Variants in SLC16A10 observed in about 807,000 individuals in gnomAD.
The protein encoded by SLC16A10 is solute carrier family 16 member 10.
In SLC16A10, 27 loss-of-function variants were observed where a neutral mutation model predicts 40.0. The ratio of observed to expected loss-of-function variants is 0.67; its 90% CI spans 0.50 to 0.93. The LOEUF is 0.93. Among genes scored for constraint, SLC16A10 ranks in the 40% least tolerant of loss-of-function variants. SLC16A10 has a pLI of 0.00. For synonymous variants in SLC16A10, 213 were observed against 249.8 expected (o/e 0.85, Z 1.39); for missense variants, 529 against 658.2 (o/e 0.80, Z 2.15).
At chr6:111,144,253 G>T (rs1049762095) in intron 1 of SLC16A10, among the ~76,000 whole-genome samples, 3 of 151,978 alleles carry the variant, frequency 2.0e-5, no homozygotes, top group Admixed American at 2.0e-4. Context: ...CCCCAGGCTG[G>T]AGTGCAGTGG....
At chr6:111,215,779 T>C (rs1773412038) in intron 4 of SLC16A10, among the ~76,000 whole-genome samples, 1 of 152,172 alleles carries the variant, frequency 6.6e-6, no homozygotes, top group Admixed American at 6.5e-5. Flanking sequence ...CCAAAGCAAG[T>C]AGTTTGTTTG....
At chr6:111,204,861 C>CCTTT (rs1453221547) in intron 3 of SLC16A10, among the ~76,000 whole-genome samples, 1 of 152,090 alleles carries the variant, frequency 6.6e-6, no homozygotes, top group African/African-American at 2.4e-5. Flanking sequence ...AAGTATATGT[C>CCTTT]CTTTCTCTCC....
chr6:111,134,974 G>T lies in SLC16A10; in HGVS notation c.344-37721G>T, dbSNP rs111815351. ...CTTACTCTCCTGTCCCGGACAACTG[G>T]CCTCCATATCTGTCACTATCCCAGG... On this transcript the variant is annotated intron_variant, in intron 1 of 5. Transcript: ENST00000368851. Among the ~76,000 whole-genome samples, 388 of 152,184 alleles carry T rather than the reference G, an allele frequency of 2.5e-3. 2 individuals are homozygous for T. The highest frequency in any genetic ancestry group is 8.8e-3 in the African/African-American group (367 of 41,508).
At chr6:111,180,667 TGTG>T (rs1169506554) in intron 3 of SLC16A10, among the ~76,000 whole-genome samples, 6 of 152,116 alleles carry the variant, frequency 3.9e-5, no homozygotes, top group South Asian at 4.1e-4. Context: ...AAGAGCCAGA[TGTG>T]GTGGTACACA....
At chr6:111,108,006 T>C (rs563217081) in intron 1 of SLC16A10, among the ~76,000 whole-genome samples, 2 of 152,098 alleles carry the variant, frequency 1.3e-5, no homozygotes, top group East Asian at 3.9e-4. Flanking sequence ...GGGAAATTAT[T>C]AGGCATTCAC....
intron 1 of SLC16A10, among the ~76,000 whole-genome samples, chr6:111,127,022 A>G (rs1771687519): frequency 6.6e-6 from 1 of 152,240 alleles, no homozygotes; most frequent in Non-Finnish European, 1.5e-5. Context: ...TATAGTAGGC[A>G]TTCAATAAAT....
chr6:111,088,778 T>G (rs569287913), intron 1 of SLC16A10, among the ~76,000 whole-genome samples: 1 of 152,230 alleles, frequency 6.6e-6, no homozygotes, highest in East Asian at 1.9e-4. Flanking sequence ...ACATTTTTTT[T>G]TAACCATATA....
intron 1 of SLC16A10, among the ~76,000 whole-genome samples, chr6:111,088,585 T>C (rs1218557403): frequency 7.2e-5 from 11 of 151,956 alleles, no homozygotes; most frequent in Admixed American, 5.9e-4. Context: ...TGAAAGAGAT[T>C]TGTACGAAGG....
At chr6:111,189,897 C>T (rs1477921198) in intron 3 of SLC16A10, among the ~76,000 whole-genome samples, 1 of 152,104 alleles carries the variant, frequency 6.6e-6, no homozygotes, top group Non-Finnish European at 1.5e-5. Flanking sequence ...ATCATTCTGC[C>T]CCTGGCTCCT....
chr6:111,138,226 A>G (rs780091383), intron 1 of SLC16A10, among the ~76,000 whole-genome samples: 10 of 152,262 alleles, frequency 6.6e-5, no homozygotes, highest in Non-Finnish European at 1.3e-4. Context: ...CAGAAAAGTT[A>G]TTACTTAGTA....
intron 1 of SLC16A10, among the ~76,000 whole-genome samples, chr6:111,143,831 A>G (rs1248378980): frequency 1.3e-5 from 2 of 152,118 alleles, no homozygotes; most frequent in East Asian, 1.9e-4. Context: ...AATATAAACT[A>G]TGGACTTTGG....
intron 1 of SLC16A10, among the ~76,000 whole-genome samples, chr6:111,115,383 A>G (rs1771467327): frequency 6.6e-6 from 1 of 152,122 alleles, no homozygotes; most frequent in African/African-American, 2.4e-5. Flanking sequence ...TAATTTTTGT[A>G]TTTTGAGTAG....
chr6:111,209,987 A>G (rs1773320231), intron 4 of SLC16A10, among the ~76,000 whole-genome samples: 1 of 152,208 alleles, frequency 6.6e-6, no homozygotes, highest in African/African-American at 2.4e-5. Flanking sequence ...GTCTAATTAT[A>G]TTATACATGA....
chr6:111,177,829 T>A (rs1171422312), intron 3 of SLC16A10, 164 bp downstream of exon 3: 1 of 589,786 alleles, frequency 1.7e-6, no homozygotes, highest in Non-Finnish European at 2.8e-6. Flanking sequence ...AGCACATCCA[T>A]TAGACCACTA....
chr6:111,131,096 C>T (rs1262557361), intron 1 of SLC16A10, among the ~76,000 whole-genome samples: 1 of 152,250 alleles, frequency 6.6e-6, no homozygotes, highest in African/African-American at 2.4e-5. Flanking sequence ...TCACACTCTT[C>T]CAGTCTGTGT....
intron 1 of SLC16A10, among the ~76,000 whole-genome samples, chr6:111,124,799 T>G (rs1771645301): frequency 6.6e-6 from 1 of 152,262 alleles, no homozygotes; most frequent in African/African-American, 2.4e-5. Flanking sequence ...AAAAAGTTCT[T>G]TACAGACTTT....
intron 1 of SLC16A10, among the ~76,000 whole-genome samples, chr6:111,117,855 G>A (rs745424844): frequency 6.6e-6 from 1 of 152,162 alleles, no homozygotes; most frequent in Non-Finnish European, 1.5e-5. Flanking sequence ...AAGTCCCAGG[G>A]ACCCAGCAGT....
chr6:111,141,354 T>C (rs1043127894), intron 1 of SLC16A10, among the ~76,000 whole-genome samples: 10 of 151,898 alleles, frequency 6.6e-5, no homozygotes, highest in African/African-American at 2.4e-4. Flanking sequence ...TATAAACAAG[T>C]GGAATTTAAA....
At chr6:111,190,888 G>T (rs1772979065) in intron 3 of SLC16A10, among the ~76,000 whole-genome samples, 1 of 152,236 alleles carries the variant, frequency 6.6e-6, no homozygotes, top group African/African-American at 2.4e-5. Context: ...GAAGGTCTCT[G>T]ACATGCCTTG....
Sources: gnomAD v4.1 joint callset for allele counts (sites outside exome capture counted in the v4.1 genomes callset) on GRCh38, gnomAD v4.1.1 for gene constraint, MANE v1.5 for transcripts, NCBI Gene and HGNC (gene_info 2026-07-23, HGNC 2026-07-21) for gene names.